The following ERI1 variants were observed in gnomAD, a reference collection of about 807,000 sequenced individuals.
ERI1 encodes exoribonuclease 1.
In ERI1, 39 loss-of-function variants were observed where a neutral mutation model predicts 39.7. That is an observed-to-expected ratio of 0.98 (90% CI 0.76 to 1.28). The LOEUF is 1.28. ERI1 is among the 50% of genes most tolerant of loss of function. The pLI, the probability that ERI1 is intolerant of heterozygous loss-of-function variation, is 0.00. For missense variants in ERI1, 581 were observed against 416.9 expected (o/e 1.39, Z -3.43); for synonymous variants, 204 against 149.6 (o/e 1.36, Z -2.65).
chr8:9,080,237 A>T (rs982859340), intron 3 of ERI1, among the ~76,000 whole-genome samples: 5 of 152,188 alleles, frequency 3.3e-5, no homozygotes, highest in African/African-American at 1.2e-4. Context: ...CCTGGGCCTG[A>T]TAATTTAAGA....
intron 6 of ERI1, among the ~76,000 whole-genome samples, chr8:9,027,939 A>T (rs1271009366): frequency 1.3e-5 from 2 of 152,230 alleles, no homozygotes; most frequent in African/African-American, 4.8e-5. Context: ...GTCATGGCAC[A>T]TAATTGTTTT....
At chr8:9,050,522 AAAT>A (rs537007369) in intron 3 of ERI1, among the ~76,000 whole-genome samples, 1,716 of 149,130 alleles carry the variant, frequency 0.012, 12 homozygotes, top group Middle Eastern at 0.025. Flanking sequence ...AAAAAAAAAA[AAAT>A]TCTAGGTCTG....
At chr8:9,010,249 C>T (rs1215700592) in intron 2 of ERI1, among the ~76,000 whole-genome samples, 3 of 152,186 alleles carry the variant, frequency 2.0e-5, no homozygotes, top group East Asian at 1.9e-4. Flanking sequence ...CTGCCATTAG[C>T]TTTGCAGACA....
chr8:9,003,968 T>G (rs1245517637), intron 1 of ERI1: 1 of 639,164 alleles, frequency 1.6e-6, no homozygotes, highest in Non-Finnish European at 2.5e-6. Context: ...AACATGAATT[T>G]GGCTTATTCC....
intron 3 of ERI1, among the ~76,000 whole-genome samples, chr8:9,064,508 CT>C (rs56393166): frequency 0.6 from 91,464 of 151,778 alleles, 28,005 homozygotes; most frequent in South Asian, 0.76. Context: ...AACGTGTCTC[CT>C]TTGTCTCTAC....
At chr8:9,059,654 A>G (rs1467757302) in intron 3 of ERI1, among the ~76,000 whole-genome samples, 1 of 152,230 alleles carries the variant, frequency 6.6e-6, no homozygotes, top group Admixed American at 6.5e-5. Flanking sequence ...GACCTAGGAC[A>G]TCTACCTAGA....
intron 3 of ERI1, among the ~76,000 whole-genome samples, chr8:9,061,984 G>T (rs570681290): frequency 3.9e-4 from 60 of 152,078 alleles, no homozygotes; most frequent in African/African-American, 1.4e-3. Context: ...AGAGTATATG[G>T]TTTTGGCACC....
intron 2 of ERI1, among the ~76,000 whole-genome samples, chr8:9,008,466 G>A (rs1664160718): frequency 6.6e-6 from 1 of 152,116 alleles, no homozygotes. Context: ...TTATATTAGT[G>A]AGATAGAGTA....
At chr8:9,091,718 G>C (rs1799711072) in intron 3 of ERI1, among the ~76,000 whole-genome samples, 1 of 152,174 alleles carries the variant, frequency 6.6e-6, no homozygotes, top group African/African-American at 2.4e-5. Flanking sequence ...GAAAGCATCT[G>C]TCTGGTTAGC....
At chr8:9,066,489 A>C (rs996022382) in intron 3 of ERI1, among the ~76,000 whole-genome samples, 1 of 152,120 alleles carries the variant, frequency 6.6e-6, no homozygotes, top group African/African-American at 2.4e-5. Flanking sequence ...GAACTCACCA[A>C]CACTGGCAGT....
chr8:9,028,409 G>T (rs963440685), intron 6 of ERI1, among the ~76,000 whole-genome samples: 1 of 152,154 alleles, frequency 6.6e-6, no homozygotes, highest in South Asian at 2.1e-4. Flanking sequence ...AAGGTACAGG[G>T]TATATTGCAG....
intron 1 of ERI1, among the ~76,000 whole-genome samples, chr8:9,005,357 T>A (rs1563304519): frequency 1.3e-5 from 2 of 152,254 alleles, no homozygotes; most frequent in Non-Finnish European, 2.9e-5. Context: ...GTGTTTTCTT[T>A]TTTCTTGCAA....
chr8:9,090,401 C>T (rs1799667749), intron 3 of ERI1, among the ~76,000 whole-genome samples: 1 of 152,022 alleles, frequency 6.6e-6, no homozygotes, highest in African/African-American at 2.4e-5. Flanking sequence ...GGAATCCAGC[C>T]AAAGGAAATA....
intron 3 of ERI1, among the ~76,000 whole-genome samples, chr8:9,071,792 G>A (rs1799059308): frequency 6.6e-6 from 1 of 152,224 alleles, no homozygotes; most frequent in African/African-American, 2.4e-5. Flanking sequence ...GAGACTGGGT[G>A]CAGTGGCTCA....
intron 2 of ERI1, among the ~76,000 whole-genome samples, chr8:9,008,476 A>G (rs914151070): frequency 1.3e-5 from 2 of 152,144 alleles, no homozygotes; most frequent in African/African-American, 4.8e-5. Context: ...GAGATAGAGT[A>G]TTTTTTATTT....
intron 6 of ERI1, among the ~76,000 whole-genome samples, chr8:9,027,999 A>G (rs1797304557): frequency 6.6e-6 from 1 of 152,200 alleles, no homozygotes; most frequent in Non-Finnish European, 1.5e-5. Flanking sequence ...GATTATTGCA[A>G]CATGATAATT....
downstream of ERI1, among the ~76,000 whole-genome samples, chr8:9,034,053 T>C (rs1797755790): frequency 6.6e-6 from 1 of 152,238 alleles, no homozygotes. Flanking sequence ...ATTTCCTCCA[T>C]GTTCTTGAGA....
chr8:9,072,269 G>A (rs772378744), intron 3 of ERI1, among the ~76,000 whole-genome samples: 1 of 152,028 alleles, frequency 6.6e-6, no homozygotes, highest in Non-Finnish European at 1.5e-5. Flanking sequence ...CCACATTGAC[G>A]GTCCTTTCTA....
In ERI1 at chr8:9,025,797, A is replaced by G. The variant is rs539182028; in HGVS notation, c.808-3995A>G. Among the ~76,000 whole-genome samples, 14 of 151,634 alleles carry G rather than the reference A, an allele frequency of 9.2e-5. No individual in the cohort carries two copies. The South Asian group carries it at 2.5e-3, about 27-fold the overall frequency. On this transcript the variant is annotated intron_variant, in intron 6 of 6. Coordinates refer to ENST00000250263, the MANE Select transcript of ERI1 (RefSeq NM_153332.4). Reference sequence around the variant, plus strand: ...ATTGGGACCAGAAGAAATGTTTGAGATTTGGGGTTTTTTTCAGATTTTGGA... The same window carrying G: ...ATTGGGACCAGAAGAAATGTTTGAGGTTTGGGGTTTTTTTCAGATTTTGGA...
Sources: allele counts gnomAD v4.1 joint callset (sites outside exome capture counted in the v4.1 genomes callset), GRCh38; gene constraint gnomAD v4.1.1; transcripts MANE v1.5; gene names NCBI Gene and HGNC (gene_info 2026-07-23, HGNC 2026-07-21).